Variants in C6 observed in about 807,000 individuals in gnomAD.
C6 encodes complement C6.
A neutral mutation model predicts 112.9 loss-of-function variants in C6; 101 were observed. The observed-to-expected ratio is 0.89, with a 90% CI of 0.76 to 1.06. The LOEUF is 1.06. Ranked by LOEUF, C6 falls within the 50% of genes least tolerant of loss-of-function variation. C6 has a pLI of 0.00. For missense variants in C6, 1,202 were observed against 1,104.6 expected, an observed-to-expected ratio of 1.09 and a Z score of -1.25; for synonymous variants, 431 against 384.1, an observed-to-expected ratio of 1.12 and a Z score of -1.43.
At chr5:41,204,261 C>T in intron 1 of C6, among the ~76,000 whole-genome samples, 1 of 152,102 alleles carries the variant, frequency 6.6e-6, no homozygotes, top group East Asian at 1.9e-4. Context: ...CCTCATAAAG[C>T]TTTTGTTAGG....
chr5:41,238,994 T>C (rs1258496083), intron 1 of C6, among the ~76,000 whole-genome samples: 1 of 152,186 alleles, frequency 6.6e-6, no homozygotes, highest in East Asian at 1.9e-4. Context: ...ATAATGTTTG[T>C]ACATACTTAT....
chr5:41,212,786 T>C (rs1375076079), intron 1 of C6: 1 of 152,226 alleles, frequency 6.6e-6, no homozygotes, highest in Non-Finnish European at 1.5e-5. Flanking sequence ...GAACCATTGA[T>C]GATAGCTTTA....
At chr5:41,143,693 A>G (rs888617863) in intron 17 of C6, among the ~76,000 whole-genome samples, 15 of 152,220 alleles carry the variant, frequency 9.9e-5, no homozygotes, top group African/African-American at 3.6e-4. Context: ...AGCAGGATTT[A>G]AATAATACAT....
chr5:41,169,306 TACAC>T (rs953892696), intron 9 of C6, among the ~76,000 whole-genome samples: 36 of 151,858 alleles, frequency 2.4e-4, no homozygotes, highest in Admixed American at 1.8e-3. Flanking sequence ...CATGTGTACA[TACAC>T]ACATACGCAC....
At chr5:41,191,936 G>A (rs896438344) in intron 5 of C6, among the ~76,000 whole-genome samples, 1 of 151,980 alleles carries the variant, frequency 6.6e-6, no homozygotes, top group Non-Finnish European at 1.5e-5. Flanking sequence ...GGACTTACAG[G>A]ACTATGCTGA....
Position 41,142,415 on chromosome 5 carries a change from G to T in C6, c.*410C>A. ...TTGTTGAATGAAGATATGAAAGCTG[G>T]GCTTCAAGAATGTGTTTCAGAGGTT... On this transcript the variant is annotated 3_prime_UTR_variant, in exon 18 of 18. Transcript: ENST00000337836. 1 of 210,892 alleles carries T rather than the reference G, an allele frequency of 4.7e-6. No homozygotes were observed. The highest frequency in any genetic ancestry group is 9.8e-6 in the Non-Finnish European group (1 of 101,574). The allele number at this position is 210,892 out of a possible 1,614,324, so 13.1% of individuals were successfully genotyped here.
intron 1 of C6, among the ~76,000 whole-genome samples, chr5:41,235,675 TA>T (rs1398194658): frequency 4.1e-5 from 4 of 98,026 alleles, no homozygotes; most frequent in Admixed American, 1.1e-4. Context: ...ATGGTTGAAC[TA>T]GTTGACAGTC....
chr5:41,235,552 T>C (rs1239338017), intron 1 of C6, among the ~76,000 whole-genome samples: 2 of 144,494 alleles, frequency 1.4e-5, no homozygotes, highest in African/African-American at 2.6e-5. Flanking sequence ...TGCATGTGTC[T>C]TTATAGCAGC....
intron 17 of C6, among the ~76,000 whole-genome samples, chr5:41,147,174 T>C (rs1426741809): frequency 1.3e-5 from 2 of 152,232 alleles, no homozygotes; most frequent in Non-Finnish European, 2.9e-5. Flanking sequence ...TGTTGTATAA[T>C]ACTTTCAGCT....
intron 9 of C6, among the ~76,000 whole-genome samples, chr5:41,167,920 A>G (rs960072073): frequency 2.0e-5 from 3 of 152,184 alleles, no homozygotes; most frequent in Non-Finnish European, 4.4e-5. Context: ...ATAATGTTGA[A>G]GAGAAAACTC....
rs563842401 is a variant in C6, at chr5:41,221,628, A to G, written c.-20-18378T>C. On this transcript the variant is annotated intron_variant, in intron 1 of 17. Transcript: ENST00000263413. ...ATTGGCTACCTTATGGATGTTGTTTATGTTTGATCCTCATTGTTTTGGTGT... is the reference window on the plus strand; with the variant it reads ...ATTGGCTACCTTATGGATGTTGTTTGTGTTTGATCCTCATTGTTTTGGTGT... Among the ~76,000 whole-genome samples the G allele has an allele frequency of 9.9e-5, 15 of 152,234 alleles. No homozygotes were observed. In the East Asian group the frequency reaches 2.7e-3, roughly 27 times the overall value.
At chr5:41,239,514 C>T (rs1273117536) in intron 1 of C6, among the ~76,000 whole-genome samples, 1 of 152,078 alleles carries the variant, frequency 6.6e-6, no homozygotes, top group Non-Finnish European at 1.5e-5. Flanking sequence ...CCCTACTATA[C>T]ACTATATATA....
chr5:41,156,856 T>A (rs1746959983), intron 13 of C6, among the ~76,000 whole-genome samples: 2 of 152,356 alleles, frequency 1.3e-5, no homozygotes, highest in South Asian at 2.1e-4. Context: ...TCTTGTTTCT[T>A]ATGAATCTGT....
intron 1 of C6, among the ~76,000 whole-genome samples, chr5:41,204,659 C>T (rs1267301269): frequency 1.0e-4 from 14 of 133,334 alleles, no homozygotes; most frequent in Non-Finnish European, 1.5e-4. Flanking sequence ...AATCAGTAAG[C>T]TTTTTTTTTT....
intron 5 of C6, among the ~76,000 whole-genome samples, chr5:41,194,174 G>A (rs1248766813): frequency 1.3e-5 from 2 of 152,164 alleles, no homozygotes; most frequent in Non-Finnish European, 2.9e-5. Flanking sequence ...ACGTTTTCTT[G>A]TAGGCAAACC....
At chr5:41,154,346 C>A (rs946168405) in intron 14 of C6, among the ~76,000 whole-genome samples, 1 of 152,232 alleles carries the variant, frequency 6.6e-6, no homozygotes, top group African/African-American at 2.4e-5. Flanking sequence ...CACGCTATGA[C>A]TGATGCAGAG....
In C6 at chr5:41,213,336, G is replaced by T. The variant is rs186542954; in HGVS notation, c.-21+40C>A. The T allele has an allele frequency of 1.5e-4, 132 of 876,104 alleles. No individual in the cohort carries two copies. The African/African-American group carries it at 2.3e-3, about 15-fold the overall frequency. 54.3% of individuals were successfully genotyped at this position (876,104 alleles called of 1,614,324 possible). ...TGTTGGAAACATGATTAACAATTTT[G>T]AAATATTAAGATTGAAAATGAAATC... On this transcript the variant is annotated intron_variant, in intron 1 of 17. Transcript: ENST00000337836.
chr5:41,189,675 C>A (rs549546576), intron 5 of C6, among the ~76,000 whole-genome samples: 1 of 152,134 alleles, frequency 6.6e-6, no homozygotes, highest in East Asian at 1.9e-4. Context: ...TTATTGTTAA[C>A]TATAGTCACC....
chr5:41,177,312 T>C (rs1748936650), intron 7 of C6, among the ~76,000 whole-genome samples: 1 of 152,244 alleles, frequency 6.6e-6, no homozygotes, highest in Non-Finnish European at 1.5e-5. Context: ...ATTTATATTC[T>C]CTCTCCTCCA....
Sources: gnomAD v4.1 joint callset for allele counts (sites outside exome capture counted in the v4.1 genomes callset) on GRCh38, gnomAD v4.1.1 for gene constraint, MANE v1.5 for transcripts, NCBI Gene and HGNC (gene_info 2026-07-23, HGNC 2026-07-21) for gene names.